The following AFG2A variants were observed in gnomAD, a reference collection of about 807,000 sequenced individuals.
AFG2A encodes the protein AAA ATPase AFG2A, also known as ATPase family gene 2 protein homolog A.
the AFG2A span, among the ~76,000 whole-genome samples, chr4:123,279,418 A>AC: frequency 7.5e-5 from 1 of 13,304 alleles, no homozygotes; most frequent in African/African-American, 1.3e-4. Flanking sequence ...TCAAAAAACA[A>AC]AAAAAAAAAG....
chr4:123,066,395 CAT>C, the AFG2A span, among the ~76,000 whole-genome samples: 430 of 152,150 alleles, frequency 2.8e-3, 1 homozygote, highest in South Asian at 6.8e-3. Context: ...TTCATAAAAT[CAT>C]AGAACTTTAT....
the AFG2A span, among the ~76,000 whole-genome samples, chr4:123,194,340 C>A: frequency 6.6e-6 from 1 of 152,182 alleles, no homozygotes; most frequent in Non-Finnish European, 1.5e-5. Context: ...TTGCAAAAAT[C>A]TCAGTGTTTT....
the AFG2A span, among the ~76,000 whole-genome samples, chr4:123,306,013 A>G: frequency 6.6e-6 from 1 of 152,148 alleles, no homozygotes; most frequent in Non-Finnish European, 1.5e-5. Context: ...GCTTCCCCAC[A>G]CTGCTCACAA....
chr4:122,929,637 T>C, the AFG2A span, among the ~76,000 whole-genome samples: 1 of 152,048 alleles, frequency 6.6e-6, no homozygotes, highest in Non-Finnish European at 1.5e-5. Context: ...AGGTGGAGAT[T>C]GCAGTGAGCT....
At chr4:122,945,077 G>C in the AFG2A span, among the ~76,000 whole-genome samples, 1 of 152,222 alleles carries the variant, frequency 6.6e-6, no homozygotes, top group Admixed American at 6.5e-5. Flanking sequence ...GGCTGCTCGG[G>C]TGTCAGGGGT....
At chr4:123,190,544 A>T in the AFG2A span, among the ~76,000 whole-genome samples, 6 of 152,308 alleles carry the variant, frequency 3.9e-5, no homozygotes, top group East Asian at 9.6e-4. Context: ...GAAGAATGAG[A>T]AAGGCCTGAA....
chr4:123,002,881 A>G, the AFG2A span, among the ~76,000 whole-genome samples: 1 of 152,138 alleles, frequency 6.6e-6, no homozygotes, highest in Non-Finnish European at 1.5e-5. Context: ...GTTCTCCTGG[A>G]TAATATCCTG....
the AFG2A span, among the ~76,000 whole-genome samples, chr4:122,925,055 G>A: frequency 6.6e-6 from 1 of 152,028 alleles, no homozygotes; most frequent in East Asian, 1.9e-4. Flanking sequence ...TCATGAGCCC[G>A]TTATTTCCTC....
chr4:122,997,366 C>A, the AFG2A span, among the ~76,000 whole-genome samples: 1 of 152,182 alleles, frequency 6.6e-6, no homozygotes, highest in African/African-American at 2.4e-5. Context: ...CTGTTCTGTA[C>A]ATTTTCTATA....
At chr4:123,039,187 G>GTA in the AFG2A span, among the ~76,000 whole-genome samples, 4 of 152,070 alleles carry the variant, frequency 2.6e-5, no homozygotes, top group Non-Finnish European at 5.9e-5. Flanking sequence ...TTAAAAAGCA[G>GTA]TATATATACA....
chr4:122,993,293 G>A, the AFG2A span, among the ~76,000 whole-genome samples: 10 of 151,890 alleles, frequency 6.6e-5, no homozygotes, highest in South Asian at 2.1e-4. Context: ...GCACCTAGCC[G>A]TCTTTGTATA....
At chr4:123,009,389 C>T in the AFG2A span, among the ~76,000 whole-genome samples, 2 of 152,194 alleles carry the variant, frequency 1.3e-5, no homozygotes, top group Admixed American at 1.3e-4. Flanking sequence ...ATCACACTGT[C>T]AGTATAAACT....
the AFG2A span, among the ~76,000 whole-genome samples, chr4:123,117,469 C>T: frequency 4.9e-5 from 7 of 143,898 alleles, no homozygotes. Context: ...GAACCATAAT[C>T]ATGTGGAGTT....
At chr4:123,235,833 T>A in the AFG2A span, among the ~76,000 whole-genome samples, 1 of 152,218 alleles carries the variant, frequency 6.6e-6, no homozygotes, top group Admixed American at 6.5e-5. Flanking sequence ...GATTTTAAAC[T>A]TTTTGTTATA....
the AFG2A span, among the ~76,000 whole-genome samples, chr4:123,306,530 ATT>A: frequency 1.5e-5 from 2 of 135,060 alleles, no homozygotes; most frequent in Admixed American, 7.5e-5. Flanking sequence ...ATATATATAT[ATT>A]CTAAAGCTTG....
At chr4:123,152,319 A>G in the AFG2A span, among the ~76,000 whole-genome samples, 12 of 152,318 alleles carry the variant, frequency 7.9e-5, no homozygotes, top group African/African-American at 2.6e-4. Flanking sequence ...AAAGATAATT[A>G]GAAGACAAGC....
At chr4:123,256,620 A>G in the AFG2A span, 1 of 865,988 alleles carries the variant, frequency 1.2e-6, no homozygotes, top group African/African-American at 1.8e-5. Flanking sequence ...ATAAAGGGCA[A>G]AGCAAACAGA....
At chr4:122,997,259 A>G in the AFG2A span, among the ~76,000 whole-genome samples, 1 of 152,094 alleles carries the variant, frequency 6.6e-6, no homozygotes, top group African/African-American at 2.4e-5. Flanking sequence ...TCCACAGTCA[A>G]TTTTTAAAGA....
chr4:123,104,932 C>T, the AFG2A span, among the ~76,000 whole-genome samples: 3 of 152,136 alleles, frequency 2.0e-5, no homozygotes, highest in Non-Finnish European at 2.9e-5. Context: ...ATGTAGAAGC[C>T]GTAGCCAGTT....
Sources: allele counts gnomAD v4.1 joint callset (sites outside exome capture counted in the v4.1 genomes callset), GRCh38; gene constraint gnomAD v4.1.1; transcripts MANE v1.5; gene names NCBI Gene and HGNC (gene_info 2026-07-23, HGNC 2026-07-21).